The following SPATA6 variants were observed in gnomAD, a reference collection of about 807,000 sequenced individuals.
The protein encoded by SPATA6 is spermatogenesis-associated protein 6.
Under a neutral mutation model 65.3 loss-of-function variants are expected in SPATA6, and 56 were observed. The ratio of observed to expected loss-of-function variants is 0.86; its 90% CI spans 0.69 to 1.07. SPATA6 has a LOEUF of 1.07. Ranked by LOEUF, SPATA6 falls within the 50% of genes least tolerant of loss-of-function variation. The pLI, the probability that SPATA6 is intolerant of heterozygous loss-of-function variation, is 0.00. For synonymous variants in SPATA6, 199 were observed against 213.2 expected (o/e 0.93, Z 0.58); for missense variants, 590 against 594.8 (o/e 0.99, Z 0.08).
At chr1:48,372,969 G>A (rs1270752890) in intron 9 of SPATA6, among the ~76,000 whole-genome samples, 3 of 152,124 alleles carry the variant, frequency 2.0e-5, no homozygotes, top group African/African-American at 4.8e-5. Flanking sequence ...TTTTCCCACT[G>A]GACCTCTCGG....
At chr1:48,396,780 G>C (rs1485118061) in intron 7 of SPATA6, among the ~76,000 whole-genome samples, 1 of 151,564 alleles carries the variant, frequency 6.6e-6, no homozygotes, top group African/African-American at 2.4e-5. Context: ...GGAATGGAAA[G>C]TTATTGCTTA....
chr1:48,363,065 A>T (rs1646866415), intron 9 of SPATA6, among the ~76,000 whole-genome samples: 1 of 152,158 alleles, frequency 6.6e-6, no homozygotes, highest in Non-Finnish European at 1.5e-5. Flanking sequence ...AAAGGAAATT[A>T]GAGCTAAATA....
At position 48,396,064 on chromosome 1, in the gene SPATA6, A is replaced by T. The variant is rs186223657; in HGVS notation, c.781-710T>A. 2.8e-4 allele frequency among the ~76,000 whole-genome samples: 42 copies of T among 151,958 alleles called. 1 individual carries two copies. The highest frequency in any genetic ancestry group is 1.0e-3 in the African/African-American group (42 of 41,528). On this transcript the variant is annotated intron_variant, in intron 7 of 12. Coordinates refer to ENST00000371847, the MANE Select transcript of SPATA6 (RefSeq NM_019073.4). ...ATGAACTTGAATAGACATTTATCCAAAGAAGTTATACAAATGGCCAATAAG... is the reference window on the plus strand; with the variant it reads ...ATGAACTTGAATAGACATTTATCCATAGAAGTTATACAAATGGCCAATAAG...
At chr1:48,356,487 G>C (rs1234263963) in intron 10 of SPATA6, among the ~76,000 whole-genome samples, 3 of 131,028 alleles carry the variant, frequency 2.3e-5, no homozygotes, top group African/African-American at 8.4e-5. Context: ...ACTTTGCCTT[G>C]TTTTCTTCCC....
At chr1:48,327,447 A>G (rs1645797018) in intron 11 of SPATA6, among the ~76,000 whole-genome samples, 1 of 152,210 alleles carries the variant, frequency 6.6e-6, no homozygotes, top group South Asian at 2.1e-4. Context: ...TGACATGTTA[A>G]AGAATTAAAA....
intron 11 of SPATA6, among the ~76,000 whole-genome samples, chr1:48,313,269 C>A (rs561411307): frequency 2.6e-4 from 39 of 152,174 alleles, no homozygotes; most frequent in East Asian, 5.8e-4. Context: ...TAAATGAAGG[C>A]AAAAATGTTA....
At chr1:48,346,713 AC>A (rs1646375890) in intron 11 of SPATA6, among the ~76,000 whole-genome samples, 1 of 152,080 alleles carries the variant, frequency 6.6e-6, no homozygotes, top group Non-Finnish European at 1.5e-5. Flanking sequence ...AATACCCTTC[AC>A]AACTGCCACA....
intron 8 of SPATA6, among the ~76,000 whole-genome samples, chr1:48,394,103 G>A (rs1265645296): frequency 1.3e-5 from 2 of 152,110 alleles, no homozygotes; most frequent in African/African-American, 4.8e-5. Context: ...TATGGATTCT[G>A]AGTGAAAGCT....
chr1:48,285,477 GAAA>G, the SPATA6 span, among the ~76,000 whole-genome samples: 1,536 of 127,730 alleles, frequency 0.012, 26 homozygotes, highest in African/African-American at 0.037. Context: ...ACTGGGGTAT[GAAA>G]AAAAAAAAAA....
chr1:48,364,487 C>G (rs185690034), intron 9 of SPATA6, among the ~76,000 whole-genome samples: 1 of 152,104 alleles, frequency 6.6e-6, no homozygotes, highest in Non-Finnish European at 1.5e-5. Flanking sequence ...TTTTAATGAT[C>G]GCCATTCTAA....
intron 11 of SPATA6, among the ~76,000 whole-genome samples, chr1:48,326,580 A>G (rs975397892): frequency 7.9e-5 from 12 of 152,116 alleles, no homozygotes; most frequent in African/African-American, 2.7e-4. Context: ...AAAAAGGACA[A>G]ATCTGGAAGC....
the SPATA6 span, among the ~76,000 whole-genome samples, chr1:48,280,313 G>C: frequency 6.6e-6 from 1 of 151,980 alleles, no homozygotes; most frequent in Non-Finnish European, 1.5e-5. Context: ...GCTAGCAGAA[G>C]GCAAGAAATA....
downstream of SPATA6, chr1:48,295,372 G>A (rs1644796076): frequency 6.6e-6 from 1 of 152,112 alleles, no homozygotes; most frequent in South Asian, 2.1e-4. Context: ...ACAAAATGTG[G>A]TATATTCATA....
chr1:48,317,571 A>AAT (rs2148690743), intron 11 of SPATA6, among the ~76,000 whole-genome samples: 1 of 152,292 alleles, frequency 6.6e-6, no homozygotes, highest in South Asian at 2.1e-4. Flanking sequence ...AGATATACCT[A>AAT]ATGTTAAATG....
chr1:48,369,175 G>T (rs891705881), intron 9 of SPATA6, among the ~76,000 whole-genome samples: 1 of 152,144 alleles, frequency 6.6e-6, no homozygotes, highest in African/African-American at 2.4e-5. Flanking sequence ...AGGAGTACCC[G>T]GCCGTGTGAG....
intron 11 of SPATA6, among the ~76,000 whole-genome samples, chr1:48,314,401 T>C (rs1373606722): frequency 6.6e-5 from 10 of 151,776 alleles, no homozygotes; most frequent in Non-Finnish European, 1.3e-4. Context: ...TCAAAACCGC[T>C]CAACTACATG....
chr1:48,346,442 C>G (rs1646368031), intron 11 of SPATA6, among the ~76,000 whole-genome samples: 1 of 152,036 alleles, frequency 6.6e-6, no homozygotes, highest in South Asian at 2.1e-4. Flanking sequence ...TCTCATCACT[C>G]TTATTCAACA....
At chr1:48,388,379 A>T (rs1171405356) in intron 8 of SPATA6, among the ~76,000 whole-genome samples, 1 of 152,236 alleles carries the variant, frequency 6.6e-6, no homozygotes, top group Admixed American at 6.5e-5. Flanking sequence ...ATTGGAACAA[A>T]CAACTGATAT....
rs1644823035 is a variant in SPATA6 at position 48,296,952 on chromosome 1, G to A, written c.*1761C>T. The A allele has an allele frequency of 6.6e-6, 1 of 152,052 alleles. No homozygotes were observed. Among genetic ancestry groups the A allele is most frequent in the African/African-American group, 2.4e-5 (1 of 41,392 alleles). The allele number at this position is 152,052 out of a possible 1,614,324, so 9.4% of individuals were successfully genotyped here. ...TGCCAGGCTGTCTACTAGATGCAGA[G>A]TAAGACAGATTTATACCAGAATTTT... is the stretch of plus-strand genomic sequence containing the variant. On this transcript the variant is annotated 3_prime_UTR_variant, in exon 13 of 13. Coordinates refer to ENST00000371847, the MANE Select transcript of SPATA6 (RefSeq NM_019073.4).
Sources: allele counts gnomAD v4.1 joint callset (sites outside exome capture counted in the v4.1 genomes callset), GRCh38; gene constraint gnomAD v4.1.1; transcripts MANE v1.5; gene names NCBI Gene and HGNC (gene_info 2026-07-23, HGNC 2026-07-21).